The following CES5A variants were observed in gnomAD, a reference collection of about 807,000 sequenced individuals.
The protein encoded by CES5A is carboxylesterase 5A.
CES5A carries 67 observed loss-of-function variants against 62.9 expected under a neutral mutation model. The observed-to-expected ratio is 1.07, with a 90% CI of 0.88 to 1.31. The LOEUF (loss-of-function observed/expected upper bound fraction) is 1.31. CES5A is among the 50% of genes most tolerant of loss of function. The pLI, the probability that CES5A is intolerant of heterozygous loss-of-function variation, is 0.00. For synonymous variants in CES5A, 296 were observed against 280.8 expected, an observed-to-expected ratio of 1.05 and a Z score of -0.54; for missense variants, 748 against 708.5, an observed-to-expected ratio of 1.06 and a Z score of -0.63.
chr16:55,922,366 C>T (rs1361283168), intron 1 of CES5A, among the ~76,000 whole-genome samples: 1 of 151,446 alleles, frequency 6.6e-6, no homozygotes, highest in Non-Finnish European at 1.5e-5. Context: ...TCCATGCAAA[C>T]AGAAACCAAA....
intron 1 of CES5A, among the ~76,000 whole-genome samples, chr16:55,903,274 G>A (rs2034008732): frequency 6.6e-6 from 1 of 152,188 alleles, no homozygotes; most frequent in South Asian, 2.1e-4. Context: ...ATCCAAGGGG[G>A]CAGGAGCCAT....
At chr16:55,918,696 G>T (rs923504922) in intron 1 of CES5A, among the ~76,000 whole-genome samples, 2 of 152,254 alleles carry the variant, frequency 1.3e-5, no homozygotes, top group Non-Finnish European at 2.9e-5. Flanking sequence ...GCAAATTGAT[G>T]GTAAGAAGGG....
intron 11 of CES5A, among the ~76,000 whole-genome samples, chr16:55,849,312 A>G (rs886766434): frequency 1.3e-5 from 2 of 151,792 alleles, no homozygotes; most frequent in South Asian, 4.2e-4. Flanking sequence ...GGGTAAGACC[A>G]GTGGTCAAAG....
At chr16:55,865,431 C>A (rs1306938695) in intron 5 of CES5A, among the ~76,000 whole-genome samples, 1 of 152,068 alleles carries the variant, frequency 6.6e-6, no homozygotes, top group Non-Finnish European at 1.5e-5. Flanking sequence ...TTTAAGTTTG[C>A]GCCCACTGTA....
chr16:55,896,340 G>C (rs2033934075), intron 1 of CES5A, among the ~76,000 whole-genome samples: 1 of 152,076 alleles, frequency 6.6e-6, no homozygotes, highest in Non-Finnish European at 1.5e-5. Context: ...TCAAGATTTG[G>C]GTAGGGACAC....
At chr16:55,863,236 G>A (rs1246381761) in intron 6 of CES5A, 112 bp downstream of exon 6, 4 of 710,906 alleles carry the variant, frequency 5.6e-6, no homozygotes, top group Admixed American at 2.0e-5. Flanking sequence ...CCAGCATGAG[G>A]TGCCTTGGGC....
chr16:55,922,855 T>A (rs760555570), intron 1 of CES5A, among the ~76,000 whole-genome samples: 2 of 151,848 alleles, frequency 1.3e-5, no homozygotes, highest in East Asian at 1.9e-4. Flanking sequence ...TTTGATGACA[T>A]GGAGTAAAAT....
chr16:55,907,242 A>G (rs1308485510), intron 1 of CES5A, among the ~76,000 whole-genome samples: 1 of 152,204 alleles, frequency 6.6e-6, no homozygotes, highest in Non-Finnish European at 1.5e-5. Flanking sequence ...AAACTCCAGC[A>G]GACAGAAGGG....
chr16:55,951,434 C>T (rs1317484447), intron 1 of CES5A, among the ~76,000 whole-genome samples: 1 of 151,532 alleles, frequency 6.6e-6, no homozygotes, highest in African/African-American at 2.4e-5. Context: ...TATGCATTAG[C>T]AATAAAAAAT....
intron 2 of CES5A, among the ~76,000 whole-genome samples, chr16:55,942,605 C>T (rs1468112830): frequency 6.6e-6 from 1 of 152,152 alleles, no homozygotes; most frequent in Non-Finnish European, 1.5e-5. Context: ...ATGGTACAGC[C>T]ATTTGGATAT....
intron 9 of CES5A, 86 bp from the exon 10 acceptor site, chr16:55,853,114 A>T: frequency 7.2e-7 from 1 of 1,387,046 alleles, no homozygotes; most frequent in African/African-American, 1.4e-5. Flanking sequence ...TATGATTCTG[A>T]ATGCTTTACC....
At chr16:55,901,046 A>G (rs904241028) in intron 1 of CES5A, among the ~76,000 whole-genome samples, 37 of 152,250 alleles carry the variant, frequency 2.4e-4, no homozygotes, top group African/African-American at 8.4e-4. Context: ...CCCAAATCTC[A>G]TCTTGAATTG....
intron 1 of CES5A, among the ~76,000 whole-genome samples, chr16:55,904,635 T>C (rs1437751880): frequency 6.6e-6 from 1 of 152,222 alleles, no homozygotes; most frequent in Admixed American, 6.5e-5. Flanking sequence ...CTATTTCAAA[T>C]GGGAAGTTTT....
chr16:55,864,848 C>CAATG (rs2033424231), intron 5 of CES5A, among the ~76,000 whole-genome samples: 2 of 151,644 alleles, frequency 1.3e-5, no homozygotes, highest in Admixed American at 6.6e-5. Flanking sequence ...GTTTGGGCTG[C>CAATG]AATGAACTAT....
At chr16:55,869,362 G>T in intron 4 of CES5A, 2 of 494,332 alleles carry the variant, frequency 4.0e-6, no homozygotes, top group Non-Finnish European at 6.3e-6. Context: ...TGACCATGAG[G>T]AAGAATGTCT....
intron 1 of CES5A, among the ~76,000 whole-genome samples, chr16:55,911,808 C>T (rs2034096027): frequency 6.6e-6 from 1 of 152,274 alleles, no homozygotes; most frequent in South Asian, 2.1e-4. Flanking sequence ...AGGGTCCTGG[C>T]CACTGACCTG....
chr16:55,910,582 C>T (rs1039367862), intron 1 of CES5A, among the ~76,000 whole-genome samples: 3 of 152,216 alleles, frequency 2.0e-5, no homozygotes, highest in Non-Finnish European at 2.9e-5. Context: ...CCGTGAGTAC[C>T]ACATAAAGCC....
intron 8 of CES5A, among the ~76,000 whole-genome samples, chr16:55,857,161 C>T (rs1472051454): frequency 6.6e-6 from 1 of 152,162 alleles, no homozygotes; most frequent in Non-Finnish European, 1.5e-5. Context: ...AACACAGGCT[C>T]CCTGAGCTGC....
At chr16:55,886,015 T>C (rs2033811920) in intron 1 of CES5A, among the ~76,000 whole-genome samples, 1 of 152,162 alleles carries the variant, frequency 6.6e-6, no homozygotes, top group South Asian at 2.1e-4. Context: ...TTCCCCTCAA[T>C]CACATCCGTC....
Sources: allele counts gnomAD v4.1 joint callset (sites outside exome capture counted in the v4.1 genomes callset), GRCh38; gene constraint gnomAD v4.1.1; transcripts MANE v1.5; gene names NCBI Gene and HGNC (gene_info 2026-07-23, HGNC 2026-07-21).